Variants in IGFL4 observed in about 807,000 individuals in gnomAD.
IGFL4 encodes IGF like family member 4.
A neutral mutation model predicts 15.4 loss-of-function variants in IGFL4; 12 were observed. The ratio of observed to expected loss-of-function variants is 0.78; its 90% CI spans 0.50 to 1.26. The LOEUF is 1.26. Among genes scored for constraint, IGFL4 ranks in the 50% most tolerant of loss-of-function variants. The pLI is 0.00. For synonymous variants in IGFL4, 54 were observed against 55.9 expected (o/e 0.97, Z 0.16); for missense variants, 126 against 147.8 (o/e 0.85, Z 0.76).
At chr19:46,048,079 T>C (rs961656136) in intron 2 of IGFL4, among the ~76,000 whole-genome samples, 6 of 152,162 alleles carry the variant, frequency 3.9e-5, no homozygotes, top group South Asian at 2.1e-4. Flanking sequence ...CATGACCACA[T>C]TGGCTTCATC....
intron 3 of IGFL4, 45 bp from the exon 4 acceptor site, chr19:46,039,981 G>GGAA: frequency 1.3e-6 from 2 of 1,558,334 alleles, no homozygotes; most frequent in Non-Finnish European, 1.8e-6. Context: ...AGGGAGGGTG[G>GGAA]TAGCAGCAGT....
At chr19:46,077,433 A>G (rs1179788221), upstream of IGFL4, among the ~76,000 whole-genome samples, 2 of 152,026 alleles carry the variant, frequency 1.3e-5, no homozygotes, top group African/African-American at 2.4e-5. This position sits in a 1 kb window ranked among gnomAD's most constrained non-coding sequence, Gnocchi z 5.4. Flanking sequence ...ACCGCCTGAC[A>G]TTGAAAAAGA....
chr19:46,063,249 A>T (rs1969462415), intron 1 of IGFL4, among the ~76,000 whole-genome samples: 1 of 152,032 alleles, frequency 6.6e-6, no homozygotes, highest in Non-Finnish European at 1.5e-5. Flanking sequence ...ATTTAAATTC[A>T]TTGCAATCAT....
intron 1 of IGFL4, among the ~76,000 whole-genome samples, chr19:46,076,208 T>G (rs1306150690): frequency 2.6e-5 from 4 of 152,218 alleles, no homozygotes; most frequent in Admixed American, 6.5e-5. Context: ...TCATCTCCTA[T>G]AAACCTACCT....
chr19:46,060,915 T>C (rs12462031), intron 1 of IGFL4, among the ~76,000 whole-genome samples: 1 of 152,210 alleles, frequency 6.6e-6, no homozygotes, highest in Admixed American at 6.5e-5. Flanking sequence ...TATTTAACCT[T>C]AATCAGTTTG....
chr19:46,057,577 T>C (rs1016559283), intron 2 of IGFL4: 1 of 152,248 alleles, frequency 6.6e-6, no homozygotes, highest in African/African-American at 2.4e-5. Context: ...TAAGGGCTGC[T>C]GGTTGCCCAT....
chr19:46,043,859 C>A (rs940016282), upstream of IGFL4, among the ~76,000 whole-genome samples: 15 of 151,952 alleles, frequency 9.9e-5, no homozygotes, highest in Non-Finnish European at 1.5e-5. Flanking sequence ...ATCCTTATGA[C>A]TTAGGGAAAA....
chr19:46,040,635 G>A lies in IGFL4; in HGVS notation c.20-67C>T. 1 of 1,541,336 alleles carries A rather than the reference G, an allele frequency of 6.5e-7. No individual in the cohort carries two copies. The highest frequency in any genetic ancestry group is 9.0e-7 in the Non-Finnish European group (1 of 1,116,716). On this transcript the variant is annotated intron_variant, in intron 1 of 3. Transcript: ENST00000377697. The surrounding 1 kb of genome is among the most constrained non-coding windows in gnomAD (Gnocchi z 4.1). ...AGGTCTTGACCACGGGGCACAGGAT[G>A]ATGTCTCTGAGCTTCTCTGGTTGCT... is the stretch of plus-strand genomic sequence containing the variant.
At chr19:46,050,898 G>A (rs1600671871) in intron 2 of IGFL4, among the ~76,000 whole-genome samples, 1 of 152,110 alleles carries the variant, frequency 6.6e-6, no homozygotes, top group Admixed American at 6.5e-5. Context: ...ATGAAGGAAA[G>A]AATCTTAAGT....
intron 2 of IGFL4, among the ~76,000 whole-genome samples, chr19:46,048,589 G>A (rs1600671026): frequency 6.6e-6 from 1 of 152,102 alleles, no homozygotes; most frequent in South Asian, 2.1e-4. Context: ...CCAAATCAAT[G>A]AGCAAAAATT....
At chr19:46,064,242 A>G (rs1004412936) in intron 1 of IGFL4, among the ~76,000 whole-genome samples, 4 of 152,128 alleles carry the variant, frequency 2.6e-5, no homozygotes, top group African/African-American at 9.7e-5. Flanking sequence ...CAAGCATGCA[A>G]TGCATAATAA....
At chr19:46,068,211 C>G (rs1381848417) in intron 1 of IGFL4, among the ~76,000 whole-genome samples, 1 of 152,220 alleles carries the variant, frequency 6.6e-6, no homozygotes, top group Non-Finnish European at 1.5e-5. Flanking sequence ...TGTCTCTGAA[C>G]ACAAATCTTA....
Position 46,040,019 on chromosome 19 carries a change from AAGAC to A in IGFL4, c.331-87_331-84del. The stretch of plus-strand genomic sequence containing the variant: ...CGGGGAAGGAACAGAGACATGGAGA[AAGAC>A]AGAGTTGCATGGTTACTGAGAGATG... On this transcript the variant is annotated intron_variant, in intron 3 of 3. Coordinates refer to ENST00000377697, the MANE Select transcript of IGFL4 (RefSeq NM_001002923.3). This position sits in a 1 kb window ranked among gnomAD's most constrained non-coding sequence, Gnocchi z 4.1. 1 of 1,505,380 alleles carries A rather than the reference AAGAC, an allele frequency of 6.6e-7. No homozygotes were observed. The highest frequency in any genetic ancestry group is 1.8e-4 in the Middle Eastern group (1 of 5,698). 93.3% of individuals were successfully genotyped at this position (1,505,380 alleles called of 1,614,324 possible).
upstream of IGFL4, among the ~76,000 whole-genome samples, chr19:46,045,117 C>T (rs1362759037): frequency 6.6e-5 from 10 of 152,234 alleles, no homozygotes; most frequent in East Asian, 5.8e-4. Flanking sequence ...GGGCTGAGAC[C>T]GAGATGGCTG....
rs766752418 is a variant in IGFL4 at position 46,040,309 on chromosome 19, G to A, written c.178C>T (p.Arg60Trp). The A allele has an allele frequency of 3.7e-6, 6 of 1,614,016 alleles. No homozygotes were observed. The East Asian group carries it at 6.7e-5, about 18-fold the overall frequency. The change falls in exon 3 of 4, where the codon CGG becomes TGG. Residue 60 changes from arginine (R) to tryptophan (W), a missense_variant. Arg to Trp is a moderately radical substitution (Grantham distance 101). Transcript: ENST00000377697. The surrounding 1 kb of genome is among the most constrained non-coding windows in gnomAD (Gnocchi z 4.1). ...DGVILDLNQT[R>W]LCGSSCTFWP... Reference sequence around the variant, plus strand: ...AAGGTGCAGCTGGAGCCGCAGAGCCGGGTCTGGTTCAAGTCTAGGATGACA... The same window carrying A: ...AAGGTGCAGCTGGAGCCGCAGAGCCAGGTCTGGTTCAAGTCTAGGATGACA...
chr19:46,049,898 C>T (rs904525609), intron 2 of IGFL4, among the ~76,000 whole-genome samples: 2 of 152,196 alleles, frequency 1.3e-5, no homozygotes, highest in African/African-American at 2.4e-5. Flanking sequence ...GCCAAGGACC[C>T]TCACAGAGTC....
chr19:46,075,119 A>G (rs1365820035), intron 1 of IGFL4, among the ~76,000 whole-genome samples: 2 of 152,258 alleles, frequency 1.3e-5, no homozygotes, highest in Non-Finnish European at 2.9e-5. Flanking sequence ...AGATTTACAG[A>G]AAAATTAAGA....
In IGFL4 at chr19:46,055,796, G is replaced by A. The variant is rs369477972; in HGVS notation, c.-323+4389C>T. 3.2e-4 allele frequency among the ~76,000 whole-genome samples: 48 copies of A among 150,868 alleles called. 1 individual carries two copies. Among genetic ancestry groups the A allele is most frequent in the African/African-American group, 9.3e-4 (38 of 41,060 alleles). On this transcript the variant is annotated intron_variant, in intron 2 of 5. Transcript: ENST00000601672. ...GCTCAGTTTAATTTTTTTTTTTGACGAAGTCTTACTCATTCTGTTGCCCAG... is the reference window on the plus strand; with the variant it reads ...GCTCAGTTTAATTTTTTTTTTTGACAAAGTCTTACTCATTCTGTTGCCCAG...
intron 1 of IGFL4, among the ~76,000 whole-genome samples, chr19:46,074,878 C>T (rs1307611728): frequency 1.3e-5 from 2 of 152,194 alleles, no homozygotes; most frequent in African/African-American, 2.4e-5. Context: ...AGCCAAGCTC[C>T]GCATGCAAGT....
Sources: allele counts gnomAD v4.1 joint callset (sites outside exome capture counted in the v4.1 genomes callset), GRCh38; gene constraint gnomAD v4.1.1; non-coding constraint Gnocchi (gnomAD v3.1); transcripts MANE v1.5; gene names NCBI Gene and HGNC (gene_info 2026-07-23, HGNC 2026-07-21).